The following TTC7B variants were observed in gnomAD, a reference collection of about 807,000 sequenced individuals.
TTC7B encodes the protein tetratricopeptide repeat domain 7B, also known as tetratricopeptide repeat protein 7B.
In TTC7B, 28 loss-of-function variants were observed where a neutral mutation model predicts 106.8. The observed-to-expected ratio is 0.26, with a 90% CI of 0.19 to 0.36. The LOEUF (loss-of-function observed/expected upper bound fraction) is 0.36. Ranked by LOEUF, TTC7B falls within the 10% of genes least tolerant of loss-of-function variation. TTC7B has a pLI of 1.00. For missense variants in TTC7B, 862 were observed against 1,076.4 expected, an observed-to-expected ratio of 0.80 and a Z score of 2.79; for synonymous variants, 405 against 430.6, an observed-to-expected ratio of 0.94 and a Z score of 0.74.
chr14:90,584,636 C>T (rs865790464), intron 18 of TTC7B, among the ~76,000 whole-genome samples: 30 of 152,222 alleles, frequency 2.0e-4, no homozygotes, highest in Middle Eastern at 3.4e-3. Context: ...GCCCTCAGAA[C>T]GGCCCCGAGA....
intron 9 of TTC7B, among the ~76,000 whole-genome samples, chr14:90,660,395 C>CAAAAAAAAAAAAAAAAAAAAAA (rs57030874): frequency 2.0e-4 from 8 of 40,886 alleles, no homozygotes; most frequent in East Asian, 1.1e-3. Flanking sequence ...CACCCTGTCT[C>CAAAAAAAAAAAAAAAAAAAAAA]AAAAAAAAAA....
At chr14:90,563,931 C>T (rs1027497968) in intron 19 of TTC7B, among the ~76,000 whole-genome samples, 1 of 152,128 alleles carries the variant, frequency 6.6e-6, no homozygotes, top group Non-Finnish European at 1.5e-5. Context: ...TTGCTATTCC[C>T]ACCACGTCTG....
chr14:90,722,839 C>T (rs569223630), intron 5 of TTC7B, among the ~76,000 whole-genome samples: 27 of 152,334 alleles, frequency 1.8e-4, no homozygotes, highest in African/African-American at 5.3e-4. Flanking sequence ...CACACCCTCA[C>T]GATTTCCCTT....
intron 3 of TTC7B, among the ~76,000 whole-genome samples, chr14:90,752,202 T>G (rs1340003071): frequency 6.6e-6 from 1 of 152,166 alleles, no homozygotes; most frequent in Non-Finnish European, 1.5e-5. Context: ...AACCGGACTC[T>G]CCACTCCTTG....
intron 1 of TTC7B, among the ~76,000 whole-genome samples, chr14:90,815,911 C>T (rs2031147135): frequency 1.3e-5 from 2 of 151,902 alleles, no homozygotes; most frequent in Admixed American, 1.3e-4. Flanking sequence ...CCGGACACCC[C>T]AGACTCCGCA....
intron 15 of TTC7B, among the ~76,000 whole-genome samples, chr14:90,618,744 C>T (rs1893190183): frequency 6.6e-6 from 1 of 152,224 alleles, no homozygotes; most frequent in Non-Finnish European, 1.5e-5. Context: ...TGTTTCTCTG[C>T]CGACATCAGC....
At position 90,533,199 on chromosome 14, in the gene TTC7B, C is replaced by T. The variant is rs894123294; in HGVS notation, c.*8169G>A. 6.6e-6 allele frequency: 1 copy of T among 152,266 alleles called. No individual in the cohort carries two copies. Among genetic ancestry groups the T allele is most frequent in the Non-Finnish European group, 1.5e-5 (1 of 68,100 alleles). 9.4% of individuals were successfully genotyped at this position (152,266 alleles called of 1,614,324 possible). A position where few individuals can be genotyped will look rare whatever the true frequency, so the allele number is the denominator to read the frequency against. The stretch of plus-strand genomic sequence containing the variant: ...CTCAGGCAGTGGCGGATGGGAGCCT[C>T]CTGTGCTGTGACCAAGTGGGACAGG... On this transcript the variant is annotated 3_prime_UTR_variant, in exon 20 of 20. Coordinates refer to ENST00000328459, the MANE Select transcript of TTC7B (RefSeq NM_001010854.2).
In TTC7B at chr14:90,593,741, C is replaced by T; in HGVS notation, c.1967-115G>A. 3 of 1,077,388 alleles carry T rather than the reference C, an allele frequency of 2.8e-6. No individual in the cohort carries two copies. In the South Asian group the frequency reaches 6.6e-5, roughly 24 times the overall value. 66.7% of individuals were successfully genotyped at this position (1,077,388 alleles called of 1,614,324 possible). On this transcript the variant is annotated intron_variant, in intron 17 of 19. Transcript: ENST00000328459. ...ACACACCCCTTCCCCCATGATGTTT[C>T]TAAGATTTACTGTCCACAGAGAAAC... is the stretch of plus-strand genomic sequence containing the variant.
In TTC7B at chr14:90,673,549, TATAAC is replaced by T. The variant is rs147306083; in HGVS notation, c.1152+2969_1152+2973del. Among the ~76,000 whole-genome samples, 562 of 152,310 alleles carry T rather than the reference TATAAC, an allele frequency of 3.7e-3. 2 individuals are homozygous for T. Among genetic ancestry groups the T allele is most frequent in the African/African-American group, 0.013 (543 of 41,550 alleles). ...AGTGGAGGAAATGAAGACAGGGAAA[TATAAC>T]ATATCTCTAAGACAAATGATAAAAA... On this transcript the variant is annotated intron_variant, in intron 9 of 19. Transcript: ENST00000328459.
chr14:90,662,223 C>T (rs957459778), intron 9 of TTC7B, among the ~76,000 whole-genome samples: 2 of 152,236 alleles, frequency 1.3e-5, no homozygotes, highest in African/African-American at 4.8e-5. Flanking sequence ...CAGGCTCCTG[C>T]CAGCCTCTGA....
intron 15 of TTC7B, among the ~76,000 whole-genome samples, chr14:90,638,512 G>A (rs544710804): frequency 6.6e-6 from 1 of 152,154 alleles, no homozygotes; most frequent in South Asian, 2.1e-4. Flanking sequence ...ATTTTTTCAG[G>A]TAACTAGAAA....
At chr14:90,585,089 C>T (rs1286477) in intron 18 of TTC7B, among the ~76,000 whole-genome samples, 26,298 of 152,160 alleles carry the variant, frequency 0.17, 2,279 homozygotes, top group East Asian at 0.21. Context: ...CCTGAGCTTC[C>T]CTCGGCCAGG....
intron 12 of TTC7B, among the ~76,000 whole-genome samples, chr14:90,653,979 G>A (rs1458547450): frequency 6.6e-6 from 1 of 152,190 alleles, no homozygotes; most frequent in Non-Finnish European, 1.5e-5. Context: ...TGTACCATGT[G>A]TATATGGAAA....
chr14:90,657,035 G>A lies in TTC7B; in HGVS notation c.1341+139C>T, dbSNP rs1595252184. 9 of 713,870 alleles carry A rather than the reference G, an allele frequency of 1.3e-5. No individual in the cohort carries two copies. The East Asian group carries it at 2.2e-4, about 17-fold the overall frequency. The allele number at this position is 713,870 out of a possible 1,614,324, so 44.2% of individuals were successfully genotyped here. A position where few individuals can be genotyped will look rare whatever the true frequency, so the allele number is the denominator to read the frequency against. On this transcript the variant is annotated intron_variant, in intron 11 of 19. Coordinates refer to ENST00000328459, the MANE Select transcript of TTC7B (RefSeq NM_001010854.2). The surrounding 1 kb of genome is among the most constrained non-coding windows in gnomAD (Gnocchi z 4.2). ...AGGAGGCCAGGGGCCCAGGCCCAGG[G>A]TCCGTGGCTCTACACAGTCTTGTCT... is the stretch of plus-strand genomic sequence containing the variant.
At chr14:90,733,568 G>A (rs566711820) in intron 4 of TTC7B, among the ~76,000 whole-genome samples, 2 of 152,320 alleles carry the variant, frequency 1.3e-5, no homozygotes, top group Non-Finnish European at 2.9e-5. Flanking sequence ...ATGGGCCTGG[G>A]CAGAAGCATT....
At chr14:90,579,477 T>C (rs1891397623) in intron 18 of TTC7B, among the ~76,000 whole-genome samples, 1 of 152,148 alleles carries the variant, frequency 6.6e-6, no homozygotes, top group African/African-American at 2.4e-5. Flanking sequence ...GCACACAAAA[T>C]AGAAAGTTAA....
chr14:90,544,943 C>T (rs1252553440), intron 19 of TTC7B, among the ~76,000 whole-genome samples: 1 of 152,232 alleles, frequency 6.6e-6, no homozygotes, highest in Non-Finnish European at 1.5e-5. Flanking sequence ...TCAGGTCCCA[C>T]TAGGCTCTGC....
chr14:90,634,199 T>TA (rs1884828404), intron 15 of TTC7B, among the ~76,000 whole-genome samples: 1 of 152,154 alleles, frequency 6.6e-6, no homozygotes, highest in African/African-American at 2.4e-5. Flanking sequence ...TTCCCAAACT[T>TA]ACAGTGTGTC....
chr14:90,559,159 C>T (rs1181695472), intron 19 of TTC7B, among the ~76,000 whole-genome samples: 2 of 152,254 alleles, frequency 1.3e-5, no homozygotes, highest in African/African-American at 4.8e-5. Flanking sequence ...AAACGCGGAG[C>T]TTGGAGGATC....
Sources: gnomAD v4.1 joint callset for allele counts (sites outside exome capture counted in the v4.1 genomes callset) on GRCh38, gnomAD v4.1.1 for gene constraint, Gnocchi (gnomAD v3.1) non-coding constraint, MANE v1.5 for transcripts, NCBI Gene and HGNC (gene_info 2026-07-23, HGNC 2026-07-21) for gene names.